The following PARVA variants were observed in gnomAD, a reference collection of about 807,000 sequenced individuals.
PARVA encodes parvin alpha.
Under a neutral mutation model 52.6 loss-of-function variants are expected in PARVA, and 25 were observed. The observed-to-expected ratio is 0.48, with a 90% CI of 0.35 to 0.66. PARVA has a LOEUF of 0.66. PARVA is among the 30% of genes least tolerant of loss of function. PARVA has a pLI of 0.01. For synonymous variants in PARVA, 185 were observed against 179.1 expected, an observed-to-expected ratio of 1.03 and a Z score of -0.26; for missense variants, 373 against 450.9, an observed-to-expected ratio of 0.83 and a Z score of 1.56.
At chr11:12,524,354 C>T (rs1941675250) in intron 12 of PARVA, among the ~76,000 whole-genome samples, 1 of 152,212 alleles carries the variant, frequency 6.6e-6, no homozygotes, top group South Asian at 2.1e-4. Context: ...GGACTTCAAA[C>T]TTCTGTGAAC....
At position 12,529,849 on chromosome 11, in the gene PARVA, A is replaced by T. The variant is rs1438375656; in HGVS notation, c.*1924A>T. On this transcript the variant is annotated 3_prime_UTR_variant, in exon 13 of 13. Transcript: ENST00000334956. ...TGTGTTGATCTATGTAAAAGAATACAATTCTTTTTTACATAATTAGTGAAA... is the reference window on the plus strand; with the variant it reads ...TGTGTTGATCTATGTAAAAGAATACTATTCTTTTTTACATAATTAGTGAAA... 1 of 152,184 alleles carries T rather than the reference A, an allele frequency of 6.6e-6. No individual in the cohort carries two copies. Among genetic ancestry groups the T allele is most frequent in the Non-Finnish European group, 1.5e-5 (1 of 68,030 alleles). The allele number at this position is 152,184 out of a possible 1,614,324, so 9.4% of individuals were successfully genotyped here. A position where few individuals can be genotyped will look rare whatever the true frequency, so the allele number is the denominator to read the frequency against.
At chr11:12,513,431 G>A (rs1454260782) in intron 9 of PARVA, 71 bp downstream of exon 9, 1 of 1,386,804 alleles carries the variant, frequency 7.2e-7, no homozygotes, top group Non-Finnish European at 1.0e-6. Context: ...ACCCATCCCT[G>A]CAGCTTGCGA....
chr11:12,424,239 G>C (rs2134987370), intron 1 of PARVA, among the ~76,000 whole-genome samples: 1 of 152,166 alleles, frequency 6.6e-6, no homozygotes, highest in Non-Finnish European at 1.5e-5. Context: ...CTTCATAGCA[G>C]TGGTATGCAT....
At position 12,395,105 on chromosome 11, in the gene PARVA, AAAAG is replaced by A. The variant is rs750046211; in HGVS notation, c.136+17329_136+17332del. 4.7e-3 allele frequency among the ~76,000 whole-genome samples: 697 copies of A among 148,968 alleles called. 2 individuals are homozygous for A. The highest frequency in any genetic ancestry group is 0.014 in the African/African-American group (533 of 39,316). ...AAACTCCATCTCAAAAAAAAAAAAA[AAAAG>A]AAAGAAGAGGCCCTATGGAAGTTTT... On this transcript the variant is annotated intron_variant, in intron 1 of 12. Coordinates refer to ENST00000334956, the MANE Select transcript of PARVA (RefSeq NM_018222.5).
chr11:12,456,454 A>T (rs1293472123), intron 1 of PARVA, among the ~76,000 whole-genome samples: 1 of 152,010 alleles, frequency 6.6e-6, no homozygotes, highest in Non-Finnish European at 1.5e-5. Context: ...CTTCTGCTTG[A>T]ATGGATCCAT....
At chr11:12,471,174 A>G (rs980348735) in intron 1 of PARVA, among the ~76,000 whole-genome samples, 2 of 152,194 alleles carry the variant, frequency 1.3e-5, no homozygotes, top group Admixed American at 6.5e-5. Context: ...TAGTGCTGGT[A>G]TGGTGGGTAT....
At chr11:12,522,839 A>G (rs1941655703) in intron 12 of PARVA, among the ~76,000 whole-genome samples, 1 of 152,116 alleles carries the variant, frequency 6.6e-6, no homozygotes, top group South Asian at 2.1e-4. Context: ...GAATCCTGTG[A>G]AATACAAAAA....
chr11:12,447,396 A>G (rs980800277), intron 1 of PARVA, among the ~76,000 whole-genome samples: 8 of 152,242 alleles, frequency 5.3e-5, no homozygotes, highest in Admixed American at 5.2e-4. Flanking sequence ...ACCATGGGCA[A>G]TCCCTGGCAT....
At chr11:12,395,763 A>G (rs1259819710) in intron 1 of PARVA, among the ~76,000 whole-genome samples, 1 of 152,220 alleles carries the variant, frequency 6.6e-6, no homozygotes, top group African/African-American at 2.4e-5. Context: ...TCAACAGCCA[A>G]CACTTGGCAG....
At chr11:12,385,279 T>C (rs1939557478) in intron 1 of PARVA, among the ~76,000 whole-genome samples, 1 of 152,056 alleles carries the variant, frequency 6.6e-6, no homozygotes, top group African/African-American at 2.4e-5. Flanking sequence ...CAGTGAGCCA[T>C]GATCACACCA....
intron 6 of PARVA, 78 bp from the exon 7 acceptor site, chr11:12,508,506 G>A: frequency 1.7e-5 from 16 of 963,672 alleles, no homozygotes; most frequent in Non-Finnish European, 2.7e-5. Context: ...TATCAGGAAT[G>A]CTCATCAGTG....
intron 1 of PARVA, among the ~76,000 whole-genome samples, chr11:12,406,722 A>G (rs1324960844): frequency 3.0e-5 from 4 of 131,976 alleles, no homozygotes; most frequent in African/African-American, 9.2e-5. Context: ...CCAGGCTGGA[A>G]TGCAGTGGCG....
intron 1 of PARVA, among the ~76,000 whole-genome samples, chr11:12,465,622 T>C (rs1479591786): frequency 1.3e-5 from 2 of 152,256 alleles, no homozygotes; most frequent in Non-Finnish European, 2.9e-5. Flanking sequence ...TTGTATAGCA[T>C]GTAGCCTTTT....
chr11:12,460,830 A>G (rs1338085557), intron 1 of PARVA, among the ~76,000 whole-genome samples: 4 of 152,202 alleles, frequency 2.6e-5, no homozygotes, highest in Non-Finnish European at 5.9e-5. Context: ...AACTCAGGTG[A>G]TGCATGAAGA....
chr11:12,384,113 G>A lies in PARVA; in HGVS notation c.136+6330G>A, dbSNP rs543162326. ...CTTGCTCATAAGGCCATTTCTTTCA[G>A]CTTCCTCCCAGACTTGGCATAGCCA... On this transcript the variant is annotated intron_variant, in intron 1 of 12. Transcript: ENST00000334956. Among the ~76,000 whole-genome samples the A allele has an allele frequency of 2.6e-5, 4 of 152,228 alleles. No homozygotes were observed. The South Asian group carries it at 8.3e-4, about 32-fold the overall frequency.
intron 1 of PARVA, among the ~76,000 whole-genome samples, chr11:12,449,038 T>A (rs868481617): frequency 6.6e-6 from 1 of 152,214 alleles, no homozygotes; most frequent in African/African-American, 2.4e-5. Flanking sequence ...TTCACTATAT[T>A]ATAGTTGCTT....
At chr11:12,466,833 A>G (rs1056510731) in intron 1 of PARVA, among the ~76,000 whole-genome samples, 1 of 152,120 alleles carries the variant, frequency 6.6e-6, no homozygotes, top group African/African-American at 2.4e-5. Flanking sequence ...TTCGTCCTCC[A>G]ACTTCGTTAT....
intron 1 of PARVA, among the ~76,000 whole-genome samples, chr11:12,379,877 TC>T (rs1939460557): frequency 6.6e-6 from 1 of 152,226 alleles, no homozygotes; most frequent in South Asian, 2.1e-4. Flanking sequence ...TCTAACTTCT[TC>T]CTTGCAGCAT....
intron 6 of PARVA, among the ~76,000 whole-genome samples, chr11:12,508,021 T>A (rs1475959669): frequency 6.7e-6 from 1 of 149,554 alleles, no homozygotes; most frequent in Non-Finnish European, 1.5e-5. Flanking sequence ...TCTAACATGC[T>A]TAACCTTTTC....
Sources: gnomAD v4.1 joint callset for allele counts (sites outside exome capture counted in the v4.1 genomes callset) on GRCh38, gnomAD v4.1.1 for gene constraint, MANE v1.5 for transcripts, NCBI Gene and HGNC (gene_info 2026-07-23, HGNC 2026-07-21) for gene names.